Variants in SLC35F3 observed in about 807,000 individuals in gnomAD.
The protein encoded by SLC35F3 is putative thiamine transporter SLC35F3.
A neutral mutation model predicts 49.9 loss-of-function variants in SLC35F3; 25 were observed. The ratio of observed to expected loss-of-function variants is 0.50; its 90% CI spans 0.37 to 0.70. SLC35F3 has a LOEUF of 0.70. SLC35F3 is among the 30% of genes least tolerant of loss of function. The probability of loss-of-function intolerance (pLI) is 0.00; values close to 1 mark genes in which losing one functional copy is unlikely to be tolerated. For synonymous variants in SLC35F3, 275 were observed against 265.4 expected (o/e 1.04, Z -0.35); for missense variants, 525 against 639.8 (o/e 0.82, Z 1.94).
intron 2 of SLC35F3, among the ~76,000 whole-genome samples, chr1:234,105,424 G>A (rs1325346692): frequency 6.6e-6 from 1 of 152,146 alleles, no homozygotes; most frequent in Non-Finnish European, 1.5e-5. Flanking sequence ...GAATCCCTAT[G>A]GGTCAATAGG....
At chr1:234,226,118 T>G (rs937360429) in intron 2 of SLC35F3, among the ~76,000 whole-genome samples, 1 of 152,246 alleles carries the variant, frequency 6.6e-6, no homozygotes, top group Admixed American at 6.5e-5. Flanking sequence ...TCAAATTTGC[T>G]AAAACTTACT....
chr1:234,033,514 T>A (rs1337004224), intron 2 of SLC35F3, among the ~76,000 whole-genome samples: 2 of 152,240 alleles, frequency 1.3e-5, no homozygotes, highest in Non-Finnish European at 2.9e-5. Context: ...CTTTGATCCA[T>A]CTCGAGTTGG....
At chr1:234,011,267 A>T (rs1243904859) in intron 2 of SLC35F3, among the ~76,000 whole-genome samples, 7 of 152,210 alleles carry the variant, frequency 4.6e-5, no homozygotes, top group Admixed American at 6.5e-5. Flanking sequence ...ACAAAGCAAA[A>T]ATTACAAGGA....
intron 2 of SLC35F3, among the ~76,000 whole-genome samples, chr1:234,073,038 G>A (rs1314530117): frequency 1.3e-5 from 2 of 152,240 alleles, no homozygotes; most frequent in South Asian, 2.1e-4. Flanking sequence ...GGCTGCAGAG[G>A]CAGTACAAAG....
chr1:234,152,667 G>C (rs1388828154), intron 2 of SLC35F3, among the ~76,000 whole-genome samples: 1 of 152,144 alleles, frequency 6.6e-6, no homozygotes, highest in Non-Finnish European at 1.5e-5. Context: ...TTGCTATTGT[G>C]AACAGTGCTG....
intron 4 of SLC35F3, among the ~76,000 whole-genome samples, chr1:234,315,737 T>C (rs1657475014): frequency 1.3e-5 from 2 of 152,244 alleles, no homozygotes; most frequent in Admixed American, 1.3e-4. Flanking sequence ...CACACATTTG[T>C]TCTACTGACG....
chr1:234,149,440 G>C (rs760160139), intron 2 of SLC35F3, among the ~76,000 whole-genome samples: 1 of 152,178 alleles, frequency 6.6e-6, no homozygotes, highest in Non-Finnish European at 1.5e-5. Context: ...TGTGCCTGCT[G>C]ACTGTTTGGG....
intron 2 of SLC35F3, among the ~76,000 whole-genome samples, chr1:233,943,325 C>T (rs1210407783): frequency 2.0e-5 from 3 of 152,198 alleles, no homozygotes; most frequent in Non-Finnish European, 4.4e-5. Context: ...GTGAAATAAT[C>T]TTGTTCACAG....
intron 2 of SLC35F3, among the ~76,000 whole-genome samples, chr1:234,163,656 A>G (rs1237547563): frequency 6.6e-6 from 1 of 152,244 alleles, no homozygotes; most frequent in African/African-American, 2.4e-5. Context: ...TTCCAAGAGC[A>G]AATGCTTTCT....
intron 2 of SLC35F3, among the ~76,000 whole-genome samples, chr1:234,056,706 C>T (rs1664461701): frequency 6.6e-6 from 1 of 152,162 alleles, no homozygotes; most frequent in Non-Finnish European, 1.5e-5. Context: ...GCTACTCATG[C>T]TTTTGATGTC....
Position 234,077,509 on chromosome 1 carries a change from C to T in SLC35F3, c.284-153908C>T, listed in dbSNP as rs1032145315. On this transcript the variant is annotated intron_variant, in intron 2 of 7. Coordinates refer to ENST00000366618, the MANE Select transcript of SLC35F3 (RefSeq NM_173508.4). The stretch of plus-strand genomic sequence containing the variant: ...TATCATGAGAACAGCATGGGGGAAA[C>T]CACCCCCATGATTCAATTACCTCCA... Among the ~76,000 whole-genome samples the T allele has an allele frequency of 7.9e-5, 12 of 152,164 alleles. 1 individual carries two copies. Among genetic ancestry groups the T allele is most frequent in the Non-Finnish European group, 1.0e-4 (7 of 68,042 alleles).
chr1:234,313,425 T>A (rs1657407917), intron 4 of SLC35F3, among the ~76,000 whole-genome samples: 1 of 152,072 alleles, frequency 6.6e-6, no homozygotes, highest in Admixed American at 6.5e-5. Flanking sequence ...TGACAGTGGG[T>A]CACCATGCTG....
At chr1:233,906,079 C>G (rs1661771839) in intron 2 of SLC35F3, among the ~76,000 whole-genome samples, 1 of 152,198 alleles carries the variant, frequency 6.6e-6, no homozygotes, top group African/African-American at 2.4e-5. Flanking sequence ...CTCAAAGTAT[C>G]CCGGACAGTG....
chr1:234,082,579 G>A (rs918171082), intron 2 of SLC35F3, among the ~76,000 whole-genome samples: 12 of 152,136 alleles, frequency 7.9e-5, no homozygotes, highest in African/African-American at 2.9e-4. Context: ...TGACACTGTA[G>A]TATCACAGGG....
intron 2 of SLC35F3, among the ~76,000 whole-genome samples, chr1:234,140,257 A>G (rs1160471256): frequency 6.6e-6 from 1 of 152,130 alleles, no homozygotes. Flanking sequence ...ATCTCATTTC[A>G]TCTCATCACG....
intron 2 of SLC35F3, among the ~76,000 whole-genome samples, chr1:234,000,472 G>A (rs542029247): frequency 1.7e-4 from 26 of 152,256 alleles, no homozygotes; most frequent in African/African-American, 5.8e-4. Flanking sequence ...AATGTGCTTG[G>A]CCCAGTACTA....
At chr1:234,040,831 T>G (rs1664207982) in intron 2 of SLC35F3, among the ~76,000 whole-genome samples, 1 of 152,178 alleles carries the variant, frequency 6.6e-6, no homozygotes, top group Non-Finnish European at 1.5e-5. Flanking sequence ...TTCTGGGATA[T>G]GTCTGAAAAA....
At chr1:234,267,667 C>A (rs1668013161) in intron 3 of SLC35F3, among the ~76,000 whole-genome samples, 1 of 151,470 alleles carries the variant, frequency 6.6e-6, no homozygotes, top group Non-Finnish European at 1.5e-5. Context: ...GACGGGGCGG[C>A]TGCCGGGCGG....
chr1:234,197,332 C>A (rs1666828597), intron 2 of SLC35F3, among the ~76,000 whole-genome samples: 1 of 152,148 alleles, frequency 6.6e-6, no homozygotes. Flanking sequence ...GGAAGGCCAT[C>A]TGGGGGATAA....
Sources: allele counts gnomAD v4.1 joint callset (sites outside exome capture counted in the v4.1 genomes callset), GRCh38; gene constraint gnomAD v4.1.1; transcripts MANE v1.5; gene names NCBI Gene and HGNC (gene_info 2026-07-23, HGNC 2026-07-21).